The following DENND10 variants were observed in gnomAD, a reference collection of about 807,000 sequenced individuals.
DENND10 encodes the protein DENN domain containing 10, also known as DENN domain-containing protein 10.
Under a neutral mutation model 43.6 loss-of-function variants are expected in DENND10, and 24 were observed. The ratio of observed to expected loss-of-function variants is 0.55; its 90% CI spans 0.40 to 0.77. The LOEUF (loss-of-function observed/expected upper bound fraction) is 0.77, where lower values mean the gene tolerates loss of function less well. DENND10 is among the 30% of genes least tolerant of loss of function. DENND10 has a pLI of 0.00. For synonymous variants in DENND10, 125 were observed against 157.6 expected (o/e 0.79, Z 1.55); for missense variants, 303 against 429.9 (o/e 0.70, Z 2.61).
Position 119,110,179 on chromosome 10 carries a change from G to GT in DENND10, c.253-1660dup, listed in dbSNP as rs1293679847. ...TGCTCAATAAGTTCTTTTTGTTTTTGTTTTTTTTTTGAGATGGAGTCTTGC... is the reference window on the plus strand; with the variant it reads ...TGCTCAATAAGTTCTTTTTGTTTTTGTTTTTTTTTTTGAGATGGAGTCTTGC... On this transcript the variant is annotated intron_variant, in intron 2 of 8. Transcript: ENST00000361432. 2.4e-3 allele frequency among the ~76,000 whole-genome samples: 347 copies of GT among 146,114 alleles called. 2 individuals are homozygous for GT. The highest frequency in any genetic ancestry group is 7.4e-3 in the African/African-American group (293 of 39,852).
At position 119,112,974 on chromosome 10, in the gene DENND10, C is replaced by G. The variant is rs901601851; in HGVS notation, c.332+1046C>G. On this transcript the variant is annotated intron_variant, in intron 3 of 8. Transcript: ENST00000361432. ...AAGCGATTCTCTTGCCTCAGCCTCC[C>G]GAGTAACTGAGATTACAGGTGGGTG... Among the ~76,000 whole-genome samples, 14 of 151,840 alleles carry G rather than the reference C, an allele frequency of 9.2e-5. 1 individual carries two copies. The highest frequency in any genetic ancestry group is 2.4e-5 in the African/African-American group (1 of 41,326).
chr10:119,122,508 A>C (rs4752251), intron 5 of DENND10, among the ~76,000 whole-genome samples: 94,537 of 151,926 alleles, frequency 0.62, 29,818 homozygotes, highest in Middle Eastern at 0.7. Flanking sequence ...AGTGAGAGAG[A>C]CAGAACTTTC....
chr10:119,126,164 A>G (rs1234666888), intron 6 of DENND10, among the ~76,000 whole-genome samples: 1 of 151,828 alleles, frequency 6.6e-6, no homozygotes, highest in African/African-American at 2.4e-5. Context: ...ATAATATTCC[A>G]CTGTGTATAT....
At chr10:119,125,577 A>G (rs1845794196) in intron 6 of DENND10, among the ~76,000 whole-genome samples, 1 of 135,426 alleles carries the variant, frequency 7.4e-6, no homozygotes, top group African/African-American at 2.8e-5. Flanking sequence ...GCACGATCTC[A>G]GCATACTACG....
chr10:119,134,350 A>T (rs1846212821), intron 8 of DENND10: 1 of 132,048 alleles, frequency 7.6e-6, no homozygotes, highest in Non-Finnish European at 1.6e-5. Flanking sequence ...AGAAGACATG[A>T]TTTTTTTTTT....
chr10:119,132,101 G>A lies in DENND10; in HGVS notation c.803-414G>A, dbSNP rs1846115739. On this transcript the variant is annotated intron_variant, in intron 7 of 8. Transcript: ENST00000361432. This position sits in a 1 kb window ranked among gnomAD's most constrained non-coding sequence, Gnocchi z 4.2. ...GCGCCCAGCTGGCTTCTGCAGAACT[G>A]ACAGGAAGCTCCTCTTTCACAATAT... 6.6e-6 allele frequency among the ~76,000 whole-genome samples: 1 copy of A among 152,182 alleles called. No homozygotes were observed. The highest frequency in any genetic ancestry group is 1.5e-5 in the Non-Finnish European group (1 of 68,040).
rs550476194 is a variant in DENND10, at chr10:119,111,452, A to T, written c.253-397A>T. Among the ~76,000 whole-genome samples the T allele has an allele frequency of 1.1e-4, 16 of 152,116 alleles. No homozygotes were observed. In the South Asian group the frequency reaches 2.9e-3, roughly 28 times the overall value. ...ATAGTGAGACCCCAACTCAAAAAAAAAAATAGGTAAAATAAAATAGTAAAA... is the reference window on the plus strand; with the variant it reads ...ATAGTGAGACCCCAACTCAAAAAAATAAATAGGTAAAATAAAATAGTAAAA... On this transcript the variant is annotated intron_variant, in intron 2 of 8. Transcript: ENST00000361432.
chr10:119,107,313 A>ATT, intron 1 of DENND10, among the ~76,000 whole-genome samples: 1 of 151,442 alleles, frequency 6.6e-6, no homozygotes, highest in Admixed American at 6.6e-5. Context: ...AAAAAAAAAG[A>ATT]ATTATTCCAA....
At chr10:119,124,515 A>G (rs1322981764) in intron 6 of DENND10, among the ~76,000 whole-genome samples, 2 of 151,896 alleles carry the variant, frequency 1.3e-5, no homozygotes, top group African/African-American at 4.8e-5. Flanking sequence ...CACTCCAGCC[A>G]GGGCGACAGA....
At position 119,108,204 on chromosome 10, in the gene DENND10, G is replaced by T. The variant is rs149420713; in HGVS notation, c.252+40G>T. 1.0e-5 allele frequency: 15 copies of T among 1,465,878 alleles called. No individual in the cohort carries two copies. The African/African-American group carries it at 1.3e-4, about 12-fold the overall frequency. The allele number at this position is 1,465,878 out of a possible 1,614,324, so 90.8% of individuals were successfully genotyped here. A position where few individuals can be genotyped will look rare whatever the true frequency, so the allele number is the denominator to read the frequency against. On this transcript the variant is annotated intron_variant, in intron 2 of 8. Coordinates refer to ENST00000361432, the MANE Select transcript of DENND10 (RefSeq NM_207009.4). Reference sequence around the variant, plus strand: ...AGGTAAAAAAAAAACCCCAAAATAGGCTGGGCGCGGTGGCTCATGCCTGTA... The same window carrying T: ...AGGTAAAAAAAAAACCCCAAAATAGTCTGGGCGCGGTGGCTCATGCCTGTA...
At chr10:119,124,494 C>T (rs1845737816) in intron 6 of DENND10, among the ~76,000 whole-genome samples, 1 of 151,672 alleles carries the variant, frequency 6.6e-6, no homozygotes, top group African/African-American at 2.4e-5. Flanking sequence ...TGAGCTGAGA[C>T]TGAGCCACTG....
Position 119,110,716 on chromosome 10 carries a change from A to G in DENND10, c.253-1133A>G, listed in dbSNP as rs754965318. Among the ~76,000 whole-genome samples the G allele has an allele frequency of 6.8e-4, 104 of 152,150 alleles. 2 individuals are homozygous for G. The highest frequency in any genetic ancestry group is 4.2e-4 in the South Asian group (2 of 4,816). On this transcript the variant is annotated intron_variant, in intron 2 of 8. Coordinates refer to ENST00000361432, the MANE Select transcript of DENND10 (RefSeq NM_207009.4). The stretch of plus-strand genomic sequence containing the variant: ...GTGATCCACCTGCCTCGGCCTCCCA[A>G]AGTGCTGGGATTACAGATGTGAGCC...
chr10:119,110,143 C>G (rs775516653), intron 2 of DENND10, among the ~76,000 whole-genome samples: 1 of 151,872 alleles, frequency 6.6e-6, no homozygotes, highest in Non-Finnish European at 1.5e-5. Flanking sequence ...GTAATGAAAT[C>G]TTTGGTTTAT....
In DENND10 at chr10:119,129,589, G is replaced by C; in HGVS notation, c.769G>C (p.Glu257Gln). ...DLYDVFVNLA[E>Q]SEITIAPLAK... Reference sequence around the variant, plus strand: ...CTATGATGTGTTTGTGAATCTGGCAGAGAGTGAGATTACCATTGCTCCCCT... The same window carrying C: ...CTATGATGTGTTTGTGAATCTGGCACAGAGTGAGATTACCATTGCTCCCCT... The change falls in exon 7 of 9, where the codon GAG becomes CAG. Residue 257 changes from glutamate (E) to glutamine (Q), a missense_variant. By Grantham distance (29) the Glu-to-Gln change is conservative. Coordinates refer to ENST00000361432, the MANE Select transcript of DENND10 (RefSeq NM_207009.4). 1 of 1,612,968 alleles carries C rather than the reference G, an allele frequency of 6.2e-7. No homozygotes were observed. The highest frequency in any genetic ancestry group is 8.5e-7 in the Non-Finnish European group (1 of 1,178,922).
At chr10:119,125,501 C>CTTTT (rs34630434) in intron 6 of DENND10, among the ~76,000 whole-genome samples, 218 of 65,842 alleles carry the variant, frequency 3.3e-3, no homozygotes, top group Middle Eastern at 0.023. Flanking sequence ...TTCTAGTTTT[C>CTTTT]TTTTTTTTTT....
intron 8 of DENND10, among the ~76,000 whole-genome samples, chr10:119,135,818 C>CAAAAAAAAAAAAAAAAAAAAAA (rs1174927246): frequency 1.8e-4 from 14 of 76,480 alleles, no homozygotes; most frequent in Non-Finnish European, 2.7e-4. Flanking sequence ...AAAAAAAAAC[C>CAAAAAAAAAAAAAAAAAAAAAA]AAAACCACAC....
chr10:119,118,568 T>A (rs949955895), intron 4 of DENND10, among the ~76,000 whole-genome samples: 4 of 152,172 alleles, frequency 2.6e-5, no homozygotes, highest in Non-Finnish European at 4.4e-5. Context: ...TTGATCCCGC[T>A]GTTCTTTGAA....
chr10:119,108,227 G>A (rs1844794188), intron 2 of DENND10, 63 bp downstream of exon 2: 1 of 1,179,050 alleles, frequency 8.5e-7, no homozygotes, highest in Non-Finnish European at 1.2e-6. Context: ...GCTCATGCCT[G>A]TAATCCCAGC....
In DENND10 at chr10:119,117,688, C is replaced by G. The variant is rs775768028; in HGVS notation, c.481+21C>G. 2.3e-5 allele frequency: 37 copies of G among 1,611,696 alleles called. No homozygotes were observed. In the East Asian group the frequency reaches 8.3e-4, roughly 36 times the overall value. On this transcript the variant is annotated intron_variant, in intron 4 of 8. Transcript: ENST00000361432. ...CAAAGGTAAGAAGGGAAAAAACAGG[C>G]CAGGGACGGTGGCTCACGCCTGTAA...
Sources: gnomAD v4.1 joint callset for allele counts (sites outside exome capture counted in the v4.1 genomes callset) on GRCh38, gnomAD v4.1.1 for gene constraint, Gnocchi (gnomAD v3.1) non-coding constraint, MANE v1.5 for transcripts, NCBI Gene and HGNC (gene_info 2026-07-23, HGNC 2026-07-21) for gene names.